RNF220: variants seen among roughly 807,000 people sequenced by gnomAD.
The protein encoded by RNF220 is E3 ubiquitin-protein ligase RNF220.
A neutral mutation model predicts 67.1 loss-of-function variants in RNF220; 7 were observed. That is an observed-to-expected ratio of 0.10 (90% CI 0.06 to 0.20). RNF220 has a LOEUF of 0.20. RNF220 is among the 10% of genes least tolerant of loss of function. RNF220 has a pLI of 1.00. For missense variants in RNF220, 565 were observed against 740.3 expected, an observed-to-expected ratio of 0.76 and a Z score of 2.75; for synonymous variants, 270 against 283.2, an observed-to-expected ratio of 0.95 and a Z score of 0.47.
intron 2 of RNF220, among the ~76,000 whole-genome samples, chr1:44,512,223 G>T (rs1659069305): frequency 6.6e-6 from 1 of 152,176 alleles, no homozygotes; most frequent in Non-Finnish European, 1.5e-5. Context: ...GGAGAAAGCT[G>T]CATGTAACTG....
intron 1 of RNF220, among the ~76,000 whole-genome samples, chr1:44,406,512 T>G (rs972512526): frequency 1.3e-5 from 2 of 152,260 alleles, no homozygotes; most frequent in African/African-American, 4.8e-5. Context: ...TAGACCTGCC[T>G]TAAACTGAGT....
intron 2 of RNF220, among the ~76,000 whole-genome samples, chr1:44,543,000 C>T (rs1297847198): frequency 6.6e-6 from 1 of 152,126 alleles, no homozygotes; most frequent in South Asian, 2.1e-4. Flanking sequence ...GGCAGTGTTG[C>T]TAGGTGCGGT....
intron 2 of RNF220, among the ~76,000 whole-genome samples, chr1:44,438,653 C>T (rs1651229497): frequency 6.6e-6 from 1 of 152,288 alleles, no homozygotes; most frequent in South Asian, 2.1e-4. Context: ...TCTTAGGTGG[C>T]CTGTGACCCA....
chr1:44,487,393 A>G (rs1656408127), intron 2 of RNF220, among the ~76,000 whole-genome samples: 1 of 151,370 alleles, frequency 6.6e-6, no homozygotes, highest in Admixed American at 6.6e-5. Context: ...ATAAAATAAA[A>G]TGGTGGTTGC....
At chr1:44,555,323 C>T (rs1225003895) in intron 2 of RNF220, among the ~76,000 whole-genome samples, 1 of 152,160 alleles carries the variant, frequency 6.6e-6, no homozygotes, top group African/African-American at 2.4e-5. Flanking sequence ...CTGCCTTGGC[C>T]TCCCAAAGTG....
chr1:44,509,160 T>A (rs1290694633), intron 2 of RNF220, among the ~76,000 whole-genome samples: 1 of 152,218 alleles, frequency 6.6e-6, no homozygotes, highest in East Asian at 1.9e-4. Flanking sequence ...TCTACTCAAG[T>A]GAGCTGAGGC....
At chr1:44,531,483 T>C in intron 2 of RNF220, among the ~76,000 whole-genome samples, 1 of 152,226 alleles carries the variant, frequency 6.6e-6, no homozygotes, top group East Asian at 1.9e-4. Flanking sequence ...TCCAAAGCTC[T>C]TTGCCAGTTA....
intron 8 of RNF220, 192 bp downstream of exon 8, chr1:44,636,354 TTGGG>T (rs1192696087): frequency 3.8e-6 from 3 of 779,314 alleles, no homozygotes; most frequent in South Asian, 1.4e-5. Context: ...ATGGATGTAT[TTGGG>T]TGGGGAAATG....
rs1365896662 is a variant in RNF220, at chr1:44,405,363, G to C, written c.-285G>C. On this transcript the variant is annotated 5_prime_UTR_variant, in exon 1 of 15. Transcript: ENST00000361799. Reference sequence around the variant, plus strand: ...CCAGGCAGCTCGCGAACACAAACCCGGGGCCAGCCGCCTACTGCTGCTGCT... The same window carrying C: ...CCAGGCAGCTCGCGAACACAAACCCCGGGCCAGCCGCCTACTGCTGCTGCT... 3.3e-6 allele frequency: 2 copies of C among 597,718 alleles called. No individual in the cohort carries two copies. The highest frequency in any genetic ancestry group is 6.0e-6 in the Non-Finnish European group (2 of 335,696). The allele number at this position is 597,718 out of a possible 1,614,324, so 37.0% of individuals were successfully genotyped here. A position where few individuals can be genotyped will look rare whatever the true frequency, so the allele number is the denominator to read the frequency against.
At chr1:44,579,819 A>G (rs1665100939) in intron 2 of RNF220, among the ~76,000 whole-genome samples, 1 of 152,014 alleles carries the variant, frequency 6.6e-6, no homozygotes, top group African/African-American at 2.4e-5. Context: ...GCTTGAGTCC[A>G]GGAGTTTGAG....
In RNF220 at chr1:44,600,530, T is replaced by G. The variant is rs896134609; in HGVS notation, c.626-13635T>G. Among the ~76,000 whole-genome samples the G allele has an allele frequency of 3.3e-5, 5 of 152,118 alleles. No individual in the cohort carries two copies. The highest frequency in any genetic ancestry group is 4.8e-5 in the African/African-American group (2 of 41,418). On this transcript the variant is annotated intron_variant, in intron 2 of 14. Coordinates refer to ENST00000361799, the MANE Select transcript of RNF220 (RefSeq NM_018150.4). This position sits in a 1 kb window ranked among gnomAD's most constrained non-coding sequence, Gnocchi z 4.0. ...TACTTATAAAATAGGGATTAAATAGTACAGTGCTGGCCGGGCACAGTGGCT... is the reference window on the plus strand; with the variant it reads ...TACTTATAAAATAGGGATTAAATAGGACAGTGCTGGCCGGGCACAGTGGCT...
intron 2 of RNF220, among the ~76,000 whole-genome samples, chr1:44,551,845 C>T (rs902066476): frequency 1.3e-5 from 2 of 152,216 alleles, no homozygotes; most frequent in Admixed American, 6.5e-5. Flanking sequence ...TTGCCTGCTG[C>T]ATAAACTGAA....
At chr1:44,608,522 C>G (rs1175185950) in intron 2 of RNF220, among the ~76,000 whole-genome samples, 1 of 152,260 alleles carries the variant, frequency 6.6e-6, no homozygotes, top group South Asian at 2.1e-4. Context: ...TTGTTCTGAG[C>G]CCCATTTTCC....
At chr1:44,467,719 T>C (rs905438146) in intron 2 of RNF220, among the ~76,000 whole-genome samples, 9 of 152,234 alleles carry the variant, frequency 5.9e-5, no homozygotes, top group Non-Finnish European at 4.4e-5. Context: ...ATTTTTTTAT[T>C]TCTTTTAAGA....
At chr1:44,510,697 A>T (rs1036663228) in intron 2 of RNF220, among the ~76,000 whole-genome samples, 4 of 152,204 alleles carry the variant, frequency 2.6e-5, no homozygotes, top group African/African-American at 9.6e-5. Context: ...TTCTAGTGGC[A>T]CGATGAGGTG....
intron 2 of RNF220, among the ~76,000 whole-genome samples, chr1:44,518,885 A>AC (rs1354142879): frequency 1.4e-5 from 2 of 147,082 alleles, no homozygotes; most frequent in East Asian, 1.9e-4. Context: ...AAAAACAAAA[A>AC]AAACAAAAAA....
At chr1:44,605,071 G>T (rs556696272) in intron 2 of RNF220, among the ~76,000 whole-genome samples, 1 of 152,138 alleles carries the variant, frequency 6.6e-6, no homozygotes, top group Non-Finnish European at 1.5e-5. Flanking sequence ...GGAGGCTGAG[G>T]TGGTGGATCA....
At chr1:44,464,776 C>T (rs2147972134) in intron 2 of RNF220, among the ~76,000 whole-genome samples, 1 of 152,338 alleles carries the variant, frequency 6.6e-6, no homozygotes, top group South Asian at 2.1e-4. Context: ...TCTGATTTCT[C>T]TTCTTCATTC....
intron 8 of RNF220, among the ~76,000 whole-genome samples, chr1:44,637,948 A>G (rs1644375462): frequency 6.6e-6 from 1 of 152,240 alleles, no homozygotes; most frequent in South Asian, 2.1e-4. Flanking sequence ...CAGTCAAAAG[A>G]CAGGCAGACT....
Sources: gnomAD v4.1 joint callset for allele counts (sites outside exome capture counted in the v4.1 genomes callset) on GRCh38, gnomAD v4.1.1 for gene constraint, Gnocchi (gnomAD v3.1) non-coding constraint, MANE v1.5 for transcripts, NCBI Gene and HGNC (gene_info 2026-07-23, HGNC 2026-07-21) for gene names.